The following NDST3 variants were observed in gnomAD, a reference collection of about 807,000 sequenced individuals.
NDST3 encodes N-deacetylase and N-sulfotransferase 3.
A neutral mutation model predicts 96.1 loss-of-function variants in NDST3; 58 were observed. That is an observed-to-expected ratio of 0.60 (90% CI 0.49 to 0.75). The LOEUF is 0.75. NDST3 is among the 30% of genes least tolerant of loss of function. NDST3 has a pLI of 0.00. For missense variants in NDST3, 788 were observed against 1,034.2 expected, an observed-to-expected ratio of 0.76 and a Z score of 3.27; for synonymous variants, 333 against 359.7, an observed-to-expected ratio of 0.93 and a Z score of 0.84.
intron 2 of NDST3, among the ~76,000 whole-genome samples, chr4:118,091,554 TG>T (rs1728865024): frequency 6.6e-6 from 1 of 151,626 alleles, no homozygotes. Flanking sequence ...TCCTTCTTTG[TG>T]ATAATCATGA....
chr4:118,171,055 G>A (rs1026195895), intron 6 of NDST3, among the ~76,000 whole-genome samples: 6 of 152,164 alleles, frequency 3.9e-5, no homozygotes, highest in African/African-American at 1.2e-4. Context: ...TGTGCTTGGG[G>A]TGTTTTAGAA....
At chr4:118,107,107 A>C (rs71627753) in intron 3 of NDST3, among the ~76,000 whole-genome samples, 115,052 of 151,712 alleles carry the variant, frequency 0.76, 46,288 homozygotes, top group South Asian at 0.93. Flanking sequence ...TAATAATAAT[A>C]ATAATCATCA....
chr4:118,169,726 G>A (rs1445276095), intron 6 of NDST3, among the ~76,000 whole-genome samples: 6 of 151,840 alleles, frequency 4.0e-5, no homozygotes, highest in Non-Finnish European at 5.9e-5. Flanking sequence ...CCCAGGAGGC[G>A]GAGGTTGCAG....
At chr4:118,186,549 T>C (rs1170742637) in intron 6 of NDST3, among the ~76,000 whole-genome samples, 2 of 152,156 alleles carry the variant, frequency 1.3e-5, no homozygotes, top group Non-Finnish European at 2.9e-5. Flanking sequence ...GTCTGATCTC[T>C]CCACGTTGTT....
At chr4:118,215,342 T>C (rs577960435) in intron 6 of NDST3, among the ~76,000 whole-genome samples, 14 of 152,244 alleles carry the variant, frequency 9.2e-5, no homozygotes, top group Admixed American at 8.5e-4. Context: ...TGGTCAACCA[T>C]GTTCAATGGA....
chr4:118,220,074 T>A (rs78347803), intron 6 of NDST3, among the ~76,000 whole-genome samples: 2 of 151,956 alleles, frequency 1.3e-5, no homozygotes, highest in African/African-American at 4.8e-5. Flanking sequence ...TCCTCAAAGA[T>A]CTAGAACCAG....
intron 2 of NDST3, among the ~76,000 whole-genome samples, chr4:118,091,556 AT>A (rs1728866001): frequency 6.6e-6 from 1 of 151,628 alleles, no homozygotes. Flanking sequence ...CTTCTTTGTG[AT>A]AATCATGAGT....
At chr4:118,071,357 C>T (rs567789570) in intron 2 of NDST3, among the ~76,000 whole-genome samples, 2 of 152,076 alleles carry the variant, frequency 1.3e-5, no homozygotes, top group South Asian at 2.1e-4. Context: ...TATTTCACCA[C>T]TCAGGAAATA....
At chr4:118,066,080 ATAT>A (rs1337559091) in intron 2 of NDST3, among the ~76,000 whole-genome samples, 4 of 108,238 alleles carry the variant, frequency 3.7e-5, no homozygotes, top group African/African-American at 1.4e-4. Flanking sequence ...TATATATAAC[ATAT>A]TATATATTAT....
Position 118,254,490 on chromosome 4 carries a change from C to G in NDST3, c.2502+889C>G, listed in dbSNP as rs760544824. ...TTCAGCACTTCCTGTTTATTCTGTT[C>G]AGAATGGAGACATGGTGATCACTTA... On this transcript the variant is annotated intron_variant, in intron 13 of 13. Transcript: ENST00000296499. Among the ~76,000 whole-genome samples, 61 of 152,130 alleles carry G rather than the reference C, an allele frequency of 4.0e-4. 1 individual carries two copies. Among genetic ancestry groups the G allele is most frequent in the Non-Finnish European group, 1.0e-4 (7 of 68,026 alleles).
chr4:118,162,896 AT>A (rs1735270673), intron 6 of NDST3, among the ~76,000 whole-genome samples: 1 of 148,462 alleles, frequency 6.7e-6, no homozygotes, highest in Non-Finnish European at 1.5e-5. Flanking sequence ...ACTCAAACAA[AT>A]TTACAAGAAA....
At position 118,121,626 on chromosome 4, in the gene NDST3, G is replaced by A. The variant is rs141487359; in HGVS notation, c.1224+6666G>A. On this transcript the variant is annotated intron_variant, in intron 4 of 13. Coordinates refer to ENST00000296499, the MANE Select transcript of NDST3 (RefSeq NM_004784.3). ...AAGCGGGATCATAAAGAAGTGAGAT[G>A]TGAAAAGTATTTCTGACATAGATTC... 1.5e-4 allele frequency among the ~76,000 whole-genome samples: 23 copies of A among 152,268 alleles called. No individual in the cohort carries two copies. In the East Asian group the frequency reaches 4.4e-3, roughly 29 times the overall value.
intron 6 of NDST3, among the ~76,000 whole-genome samples, chr4:118,149,835 A>G (rs1387558878): frequency 1.3e-5 from 2 of 152,130 alleles, no homozygotes; most frequent in African/African-American, 4.8e-5. Context: ...TCTTGTGCCA[A>G]TTTTTAAAGG....
intron 6 of NDST3, among the ~76,000 whole-genome samples, chr4:118,159,175 G>A (rs1330676993): frequency 3.9e-5 from 6 of 152,178 alleles, no homozygotes; most frequent in South Asian, 2.1e-4. Flanking sequence ...ATGGTTGCCC[G>A]AGAAACTAGT....
chr4:118,087,985 A>T (rs552971970), intron 2 of NDST3, among the ~76,000 whole-genome samples: 7 of 152,206 alleles, frequency 4.6e-5, no homozygotes, highest in African/African-American at 1.7e-4. Flanking sequence ...GAGGAGAGTT[A>T]TAACGTTGTA....
intron 6 of NDST3, among the ~76,000 whole-genome samples, chr4:118,213,154 G>A (rs934068951): frequency 3.9e-5 from 6 of 152,096 alleles, no homozygotes; most frequent in East Asian, 1.9e-4. Flanking sequence ...CAAGAATCAT[G>A]CAAAATGAAA....
chr4:118,124,659 A>C (rs1462630258), intron 4 of NDST3, among the ~76,000 whole-genome samples: 3 of 152,028 alleles, frequency 2.0e-5, no homozygotes, highest in Non-Finnish European at 4.4e-5. Context: ...TTTCATTGTC[A>C]TGGGTTTGGC....
chr4:118,040,583 G>C (rs1394593482), intron 1 of NDST3, among the ~76,000 whole-genome samples: 4 of 151,944 alleles, frequency 2.6e-5, no homozygotes, highest in African/African-American at 7.3e-5. Flanking sequence ...GTCATCTTCA[G>C]GATATTTCCC....
At chr4:118,170,019 T>A (rs1442701336) in intron 6 of NDST3, among the ~76,000 whole-genome samples, 1 of 152,134 alleles carries the variant, frequency 6.6e-6, no homozygotes, top group African/African-American at 2.4e-5. Flanking sequence ...TAAGGCTCCA[T>A]CAAGTGTTGC....
Sources: gnomAD v4.1 joint callset for allele counts (sites outside exome capture counted in the v4.1 genomes callset) on GRCh38, gnomAD v4.1.1 for gene constraint, MANE v1.5 for transcripts, NCBI Gene and HGNC (gene_info 2026-07-23, HGNC 2026-07-21) for gene names.